Variants in CAMTA1 observed in about 807,000 individuals in gnomAD.
The protein encoded by CAMTA1 is calmodulin-binding transcription activator 1.
Under a neutral mutation model 170.9 loss-of-function variants are expected in CAMTA1, and 27 were observed. The observed-to-expected ratio is 0.16, with a 90% CI of 0.12 to 0.22. The LOEUF (loss-of-function observed/expected upper bound fraction) is 0.22. Ranked by LOEUF, CAMTA1 falls within the 10% of genes least tolerant of loss-of-function variation. The pLI is 1.00. For missense variants in CAMTA1, 1,619 were observed against 2,217.2 expected, an observed-to-expected ratio of 0.73 and a Z score of 5.42; for synonymous variants, 833 against 891.5, an observed-to-expected ratio of 0.93 and a Z score of 1.17.
chr1:7,143,471 C>T (rs1405170521), intron 4 of CAMTA1, among the ~76,000 whole-genome samples: 1 of 152,138 alleles, frequency 6.6e-6, no homozygotes, highest in African/African-American at 2.4e-5. Flanking sequence ...TCCTAAGTGC[C>T]ACCCATTGGC....
At chr1:6,949,944 A>G (rs1688196561) in intron 3 of CAMTA1, among the ~76,000 whole-genome samples, 1 of 152,224 alleles carries the variant, frequency 6.6e-6, no homozygotes, top group African/African-American at 2.4e-5. Flanking sequence ...TGAGACTCAG[A>G]TGCGTGGGTC....
intron 5 of CAMTA1, among the ~76,000 whole-genome samples, chr1:7,335,394 C>T (rs1344809470): frequency 6.6e-6 from 1 of 152,132 alleles, no homozygotes; most frequent in African/African-American, 2.4e-5. Flanking sequence ...GGTCAAATGA[C>T]CGTTTACTCA....
At chr1:6,964,367 G>C (rs1204243897) in intron 3 of CAMTA1, among the ~76,000 whole-genome samples, 3 of 152,126 alleles carry the variant, frequency 2.0e-5, no homozygotes, top group Non-Finnish European at 4.4e-5. Context: ...CAGCGTCCTG[G>C]CTGTTTTGTA....
intron 4 of CAMTA1, among the ~76,000 whole-genome samples, chr1:7,171,139 AATGTTTT>A (rs557675473): frequency 9.9e-4 from 151 of 152,224 alleles, no homozygotes; most frequent in African/African-American, 3.5e-3. Flanking sequence ...ACTTTTGAAA[AATGTTTT>A]CAACCTGTTC....
chr1:7,003,126 C>T (rs1459716952), intron 3 of CAMTA1, among the ~76,000 whole-genome samples: 1 of 152,200 alleles, frequency 6.6e-6, no homozygotes, highest in African/African-American at 2.4e-5. Flanking sequence ...CACCAGATGC[C>T]AGGAGCACCC....
In CAMTA1 at chr1:7,614,969, A is replaced by G. The variant is rs192380975; in HGVS notation, c.511-25431A>G. Among the ~76,000 whole-genome samples the G allele has an allele frequency of 5.3e-5, 8 of 152,262 alleles. No homozygotes were observed. In the East Asian group the frequency reaches 1.5e-3, roughly 29 times the overall value. ...GCCACAGCAGGTGTTACATTTCCCAACCGCTGCTTCTTCCTGCTGCAGAGC... is the reference window on the plus strand; with the variant it reads ...GCCACAGCAGGTGTTACATTTCCCAGCCGCTGCTTCTTCCTGCTGCAGAGC... On this transcript the variant is annotated intron_variant, in intron 6 of 22. Transcript: ENST00000303635.
At chr1:7,367,031 A>G (rs2086022553) in intron 5 of CAMTA1, among the ~76,000 whole-genome samples, 1 of 151,032 alleles carries the variant, frequency 6.6e-6, no homozygotes. Flanking sequence ...CTTTCCTCTT[A>G]AAAAAAAATA....
chr1:6,899,538 A>ATG (rs1491203623), intron 3 of CAMTA1, among the ~76,000 whole-genome samples: 8 of 117,670 alleles, frequency 6.8e-5, no homozygotes, highest in Admixed American at 1.8e-4. Context: ...TATGTGTATA[A>ATG]CGCGCACGCG....
At chr1:7,667,036 A>G (rs2096007565) in intron 9 of CAMTA1, among the ~76,000 whole-genome samples, 1 of 151,858 alleles carries the variant, frequency 6.6e-6, no homozygotes, top group Non-Finnish European at 1.5e-5. Context: ...TTACAGACAC[A>G]CCCTGCTGCA....
At position 7,206,701 on chromosome 1, in the gene CAMTA1, CA is replaced by C. The variant is rs1657796205; in HGVS notation, c.303-42787del. Among the ~76,000 whole-genome samples, 2 of 152,132 alleles carry C rather than the reference CA, an allele frequency of 1.3e-5. 1 individual carries two copies. Among genetic ancestry groups the C allele is most frequent in the South Asian group, 4.1e-4 (2 of 4,834 alleles). ...TTGTTGAAGTTGTCAAGTAGTTTTC[CA>C]AAGGCGTTAATTCTGTTCTCACTCC... On this transcript the variant is annotated intron_variant, in intron 4 of 22. Transcript: ENST00000303635.
At chr1:7,504,929 G>A in intron 6 of CAMTA1, among the ~76,000 whole-genome samples, 1 of 150,944 alleles carries the variant, frequency 6.6e-6, no homozygotes, top group Non-Finnish European at 1.5e-5. Context: ...CTCCTTCACG[G>A]GCGGACATGG....
At chr1:7,427,096 C>G (rs7537337) in intron 5 of CAMTA1, among the ~76,000 whole-genome samples, 37,442 of 151,972 alleles carry the variant, frequency 0.25, 5,319 homozygotes, top group East Asian at 0.52. Flanking sequence ...ACAAGCGAGG[C>G]CTCCAGCAGG....
intron 4 of CAMTA1, among the ~76,000 whole-genome samples, chr1:7,220,722 A>G (rs1354281148): frequency 6.6e-6 from 1 of 152,228 alleles, no homozygotes; most frequent in Non-Finnish European, 1.5e-5. Flanking sequence ...ATGAGAGCCA[A>G]TCTTAGGCTG....
intron 6 of CAMTA1, among the ~76,000 whole-genome samples, chr1:7,511,054 C>T (rs1267115901): frequency 6.9e-6 from 1 of 145,436 alleles, no homozygotes. Flanking sequence ...CCCGATTGCC[C>T]GAGGCATTCT....
At chr1:7,152,387 C>G (rs1304342903) in intron 4 of CAMTA1, among the ~76,000 whole-genome samples, 3 of 152,190 alleles carry the variant, frequency 2.0e-5, no homozygotes, top group Non-Finnish European at 4.4e-5. Flanking sequence ...CCAGGGAAGG[C>G]AAATGGAGAC....
chr1:7,052,616 G>A (rs143670916), intron 3 of CAMTA1, among the ~76,000 whole-genome samples: 62 of 151,950 alleles, frequency 4.1e-4, no homozygotes, highest in Middle Eastern at 3.4e-3. Context: ...CTTTCCCCTC[G>A]CTCACATGAC....
intron 3 of CAMTA1, among the ~76,000 whole-genome samples, chr1:7,068,876 A>G (rs56212256): frequency 0.013 from 1,973 of 152,256 alleles, 43 homozygotes; most frequent in African/African-American, 0.044. Context: ...CCAAGCAGAT[A>G]TATCAGCATG....
intron 5 of CAMTA1, chr1:7,388,372 C>T (rs1157365208): frequency 2.6e-5 from 4 of 152,194 alleles, no homozygotes; most frequent in South Asian, 4.1e-4. Flanking sequence ...GTGAGCCAGA[C>T]AAAAAGGAAC....
At chr1:7,229,710 A>C (rs1413846004) in intron 4 of CAMTA1, among the ~76,000 whole-genome samples, 4 of 151,890 alleles carry the variant, frequency 2.6e-5, no homozygotes, top group African/African-American at 9.7e-5. Flanking sequence ...CCAGGAGCAC[A>C]GAGGGCGGGG....
Sources: gnomAD v4.1 joint callset for allele counts (sites outside exome capture counted in the v4.1 genomes callset) on GRCh38, gnomAD v4.1.1 for gene constraint, MANE v1.5 for transcripts, NCBI Gene and HGNC (gene_info 2026-07-23, HGNC 2026-07-21) for gene names.